Variants in PTGES observed in about 807,000 individuals in gnomAD.
PTGES encodes the protein MGST1-like 1.
PTGES carries 3 observed loss-of-function variants against 11.8 expected under a neutral mutation model. That is an observed-to-expected ratio of 0.25 (90% CI 0.12 to 0.66). The LOEUF (loss-of-function observed/expected upper bound fraction) is 0.66, where lower values mean the gene tolerates loss of function less well. Among genes scored for constraint, PTGES ranks in the 30% least tolerant of loss-of-function variants. PTGES has a pLI of 0.82. For missense variants in PTGES, 180 were observed against 213.0 expected (o/e 0.85, Z 0.96); for synonymous variants, 94 against 90.4 (o/e 1.04, Z -0.22).
At chr9:129,750,714 A>G (rs1457345375) in intron 1 of PTGES, among the ~76,000 whole-genome samples, 2 of 152,170 alleles carry the variant, frequency 1.3e-5, no homozygotes, top group Non-Finnish European at 2.9e-5. Flanking sequence ...AGTCTTAAGG[A>G]CAAACATTGG....
chr9:129,747,037 C>T (rs530774430), intron 2 of PTGES, among the ~76,000 whole-genome samples: 25 of 152,298 alleles, frequency 1.6e-4, no homozygotes, highest in African/African-American at 5.8e-4. Flanking sequence ...CTCAGCCTCC[C>T]GAGTAGCTGG....
chr9:129,746,702 C>G (rs1378590409), intron 2 of PTGES, among the ~76,000 whole-genome samples: 1 of 152,210 alleles, frequency 6.6e-6, no homozygotes, highest in Non-Finnish European at 1.5e-5. Context: ...GACAGTTTGT[C>G]TCCGGCCTCA....
chr9:129,750,596 G>A (rs1057483830), intron 1 of PTGES, among the ~76,000 whole-genome samples: 14 of 152,238 alleles, frequency 9.2e-5, no homozygotes, highest in African/African-American at 3.1e-4. Flanking sequence ...AGCCCCCAGT[G>A]TCAGCGGCCG....
At chr9:129,748,583 T>C in intron 2 of PTGES, 72 bp downstream of exon 2, 2 of 1,277,916 alleles carry the variant, frequency 1.6e-6, no homozygotes, top group Non-Finnish European at 2.1e-6. Flanking sequence ...CCAAGTCCCC[T>C]GTGTGCAGAA....
At chr9:129,744,359 T>C (rs1035864744) in intron 2 of PTGES, among the ~76,000 whole-genome samples, 4 of 152,030 alleles carry the variant, frequency 2.6e-5, no homozygotes, top group African/African-American at 9.7e-5. Flanking sequence ...GGAGGATCAC[T>C]TGGGTGCTGG....
chr9:129,740,939 C>A (rs12551591), intron 2 of PTGES, among the ~76,000 whole-genome samples: 10,673 of 152,280 alleles, frequency 0.07, 454 homozygotes, highest in East Asian at 0.19. Context: ...CCAATAACAC[C>A]GTCTCCTCGG....
At position 129,739,379 on chromosome 9, in the gene PTGES, C is replaced by T; in HGVS notation, c.*232G>A. ...TTCACAATCTGTCTTGAAATGGTTC[C>T]CATCAGCCACTTCGTGCAGGAATCC... On this transcript the variant is annotated 3_prime_UTR_variant, in exon 3 of 3. Transcript: ENST00000340607. The surrounding 1 kb of genome is among the most constrained non-coding windows in gnomAD (Gnocchi z 5.7). The T allele has an allele frequency of 8.7e-6, 5 of 574,938 alleles. 1 individual carries two copies. Among genetic ancestry groups the T allele is most frequent in the South Asian group, 6.9e-5 (3 of 43,306 alleles). 35.6% of individuals were successfully genotyped at this position (574,938 alleles called of 1,614,324 possible).
rs201037756 is a variant in PTGES at position 129,739,892 on chromosome 9, G to T, written c.210-32C>A. On this transcript the variant is annotated intron_variant, in intron 2 of 2. Coordinates refer to ENST00000340607, the MANE Select transcript of PTGES (RefSeq NM_004878.5). This position sits in a 1 kb window ranked among gnomAD's most constrained non-coding sequence, Gnocchi z 5.7. Reference sequence around the variant, plus strand: ...AGACAAGAGGGGTGCGGTCAGCCAGGTATTAGCTTTGGGGCCATAGGCCCT... The same window carrying T: ...AGACAAGAGGGGTGCGGTCAGCCAGTTATTAGCTTTGGGGCCATAGGCCCT... 1.3e-6 allele frequency: 2 copies of T among 1,551,582 alleles called. No homozygotes were observed. The highest frequency in any genetic ancestry group is 1.4e-5 in the African/African-American group (1 of 73,316).
rs539340110 is a variant in PTGES at position 129,745,983 on chromosome 9, G to T, written c.209+2672C>A. On this transcript the variant is annotated intron_variant, in intron 2 of 2. Transcript: ENST00000340607. This position sits in a 1 kb window ranked among gnomAD's most constrained non-coding sequence, Gnocchi z 4.2. ...CGGGAGGCAGAGGTTGCAGAGAGCC[G>T]AGATCGTGCCATTGCATTTCAGCCT... 6.6e-6 allele frequency among the ~76,000 whole-genome samples: 1 copy of T among 151,382 alleles called. No individual in the cohort carries two copies. Among genetic ancestry groups the T allele is most frequent in the African/African-American group, 2.4e-5 (1 of 41,106 alleles).
intron 1 of PTGES, 116 bp from the exon 2 acceptor site, chr9:129,748,853 AC>A: frequency 1.2e-6 from 1 of 801,150 alleles, no homozygotes; most frequent in Non-Finnish European, 1.9e-6. Context: ...AGTTGCACAC[AC>A]ACCCATCCAA....
chr9:129,750,354 C>T (rs1261825382), intron 1 of PTGES, among the ~76,000 whole-genome samples: 4 of 152,232 alleles, frequency 2.6e-5, no homozygotes, highest in Non-Finnish European at 5.9e-5. Flanking sequence ...GAATGCAGCT[C>T]AGATCTTCGA....
In PTGES at chr9:129,745,873, A is replaced by G. The variant is rs1833044515; in HGVS notation, c.209+2782T>C. Among the ~76,000 whole-genome samples, 1 of 152,008 alleles carries G rather than the reference A, an allele frequency of 6.6e-6. No individual in the cohort carries two copies. The highest frequency in any genetic ancestry group is 2.4e-5 in the African/African-American group (1 of 41,402). ...GGTGAAACTCTGTCTCTACTAAAAA[A>G]AAAATACAAAAATTAGCTGGCGTGG... is the stretch of plus-strand genomic sequence containing the variant. On this transcript the variant is annotated intron_variant, in intron 2 of 2. Coordinates refer to ENST00000340607, the MANE Select transcript of PTGES (RefSeq NM_004878.5). The surrounding 1 kb of genome is among the most constrained non-coding windows in gnomAD (Gnocchi z 4.2).
chr9:129,751,181 G>A (rs926528104), intron 1 of PTGES, among the ~76,000 whole-genome samples: 4 of 152,006 alleles, frequency 2.6e-5, no homozygotes, highest in African/African-American at 9.7e-5. Context: ...TAAAAAATTA[G>A]GAGCAGTGAC....
At chr9:129,744,991 C>T (rs550355644) in intron 2 of PTGES, among the ~76,000 whole-genome samples, 36 of 152,124 alleles carry the variant, frequency 2.4e-4, no homozygotes, top group East Asian at 1.4e-3. Context: ...TCAGGCAAAT[C>T]TCTCTCACTC....
At chr9:129,751,284 T>C (rs11793850) in intron 1 of PTGES, among the ~76,000 whole-genome samples, 7,152 of 150,032 alleles carry the variant, frequency 0.048, 252 homozygotes, top group African/African-American at 0.1. Flanking sequence ...GATCGCACAA[T>C]TGCACTCCAG....
intron 2 of PTGES, among the ~76,000 whole-genome samples, chr9:129,744,745 C>T (rs975186765): frequency 2.0e-5 from 3 of 151,650 alleles, no homozygotes; most frequent in Admixed American, 1.3e-4. Flanking sequence ...GGAGTGGTGG[C>T]GCGCACCTGT....
chr9:129,739,810 A>C lies in PTGES; in HGVS notation c.260T>G (p.Phe87Cys). The change falls in exon 3 of 3, where the codon TTC (phenylalanine) becomes TGC (cysteine). Residue 87 changes from phenylalanine (F) to cysteine (C), a missense_variant. By Grantham distance (205) the Phe-to-Cys change is radical (BLOSUM62 -2). Coordinates refer to ENST00000340607, the MANE Select transcript of PTGES (RefSeq NM_004878.5). The surrounding 1 kb of genome is among the most constrained non-coding windows in gnomAD (Gnocchi z 5.7). ...ETIYPFLFLGFVYSFLGPNPF... is the reference protein window; with the variant it reads ...ETIYPFLFLGCVYSFLGPNPF... ...GTTAGGACCCAGAAAGGAGTAGACG[A>C]AGCCCAGGAAAAGGAAGGGGTAGAT... The C allele has an allele frequency of 1.3e-6, 2 of 1,571,004 alleles. No homozygotes were observed. The highest frequency in any genetic ancestry group is 2.3e-5 in the South Asian group (2 of 85,380).
Position 129,739,432 on chromosome 9 carries a change from A to T in PTGES, c.*179T>A. 1 of 821,768 alleles carries T rather than the reference A, an allele frequency of 1.2e-6. No individual in the cohort carries two copies. The highest frequency in any genetic ancestry group is 1.8e-5 in the South Asian group (1 of 54,882). The allele number at this position is 821,768 out of a possible 1,614,324, so 50.9% of individuals were successfully genotyped here. A position where few individuals can be genotyped will look rare whatever the true frequency, so the allele number is the denominator to read the frequency against. ...GGGGCTAAGAAACATACACACACAC[A>T]TACACACACACGGGCACACACACAG... On this transcript the variant is annotated 3_prime_UTR_variant, in exon 3 of 3. Transcript: ENST00000340607. The surrounding 1 kb of genome is among the most constrained non-coding windows in gnomAD (Gnocchi z 5.7).
chr9:129,739,948 T>G lies in PTGES; in HGVS notation c.210-88A>C, dbSNP rs1282119952. Reference sequence around the variant, plus strand: ...GAGTGTCATGGAAGCTGGGGGTGCTTTGACCCACTGGGGGTCATTTCAGGC... The same window carrying G: ...GAGTGTCATGGAAGCTGGGGGTGCTGTGACCCACTGGGGGTCATTTCAGGC... On this transcript the variant is annotated intron_variant, in intron 2 of 2. Coordinates refer to ENST00000340607, the MANE Select transcript of PTGES (RefSeq NM_004878.5). The surrounding 1 kb of genome is among the most constrained non-coding windows in gnomAD (Gnocchi z 5.7). 1 of 1,459,812 alleles carries G rather than the reference T, an allele frequency of 6.9e-7. No homozygotes were observed. Among genetic ancestry groups the G allele is most frequent in the Non-Finnish European group, 9.2e-7 (1 of 1,091,372 alleles). The allele number at this position is 1,459,812 out of a possible 1,614,324, so 90.4% of individuals were successfully genotyped here.
Sources: allele counts gnomAD v4.1 joint callset (sites outside exome capture counted in the v4.1 genomes callset), GRCh38; gene constraint gnomAD v4.1.1; non-coding constraint Gnocchi (gnomAD v3.1); transcripts MANE v1.5; gene names NCBI Gene and HGNC (gene_info 2026-07-23, HGNC 2026-07-21).